Variants in FGD6 observed in about 807,000 individuals in gnomAD.
FGD6 encodes the protein FYVE, RhoGEF and PH domain containing 6, also known as FYVE, RhoGEF and PH domain-containing protein 6.
FGD6 carries 90 observed loss-of-function variants against 149.4 expected under a neutral mutation model. The observed-to-expected ratio is 0.60, with a 90% CI of 0.51 to 0.72. The LOEUF is 0.72. Among genes scored for constraint, FGD6 ranks in the 30% least tolerant of loss-of-function variants. The probability of loss-of-function intolerance (pLI) is 0.00; values close to 1 mark genes in which losing one functional copy is unlikely to be tolerated. For missense variants in FGD6, 1,437 were observed against 1,684.8 expected (o/e 0.85, Z 2.57); for synonymous variants, 527 against 584.0 (o/e 0.90, Z 1.41).
intron 3 of FGD6, among the ~76,000 whole-genome samples, chr12:95,163,056 C>T (rs557559900): frequency 2.0e-5 from 3 of 152,304 alleles, no homozygotes; most frequent in African/African-American, 7.2e-5. Flanking sequence ...AGTTCTCAGG[C>T]TAAATGTTAG....
intron 8 of FGD6, among the ~76,000 whole-genome samples, chr12:95,131,773 G>A (rs542394379): frequency 3.3e-5 from 5 of 152,174 alleles, no homozygotes; most frequent in Admixed American, 1.3e-4. Flanking sequence ...TTATATATAA[G>A]GTATTGTGCA....
intron 3 of FGD6, among the ~76,000 whole-genome samples, chr12:95,166,690 G>A (rs970830797): frequency 2.0e-5 from 3 of 151,934 alleles, no homozygotes; most frequent in East Asian, 1.9e-4. Context: ...GTGACAGAGC[G>A]AGACCCCATC....
At chr12:95,081,636 T>G in intron 20 of FGD6, 80 bp from the exon 21 acceptor site, 1 of 857,376 alleles carries the variant, frequency 1.2e-6, no homozygotes, top group South Asian at 2.0e-5. Flanking sequence ...CAGCTGGGCC[T>G]GTGGTCCTCA....
intron 5 of FGD6, among the ~76,000 whole-genome samples, chr12:95,145,681 T>C (rs920580321): frequency 1.3e-5 from 2 of 152,074 alleles, no homozygotes; most frequent in South Asian, 2.1e-4. Context: ...CCTATGTCTG[T>C]TGTTTTTTGT....
At chr12:95,122,399 A>T (rs1879217488) in intron 8 of FGD6, among the ~76,000 whole-genome samples, 1 of 152,074 alleles carries the variant, frequency 6.6e-6, no homozygotes, top group Admixed American at 6.6e-5. Context: ...TCATCCCAGC[A>T]CTTTGGGAGG....
intron 1 of FGD6, among the ~76,000 whole-genome samples, chr12:95,216,568 G>A (rs1188824383): frequency 6.7e-6 from 1 of 148,372 alleles, no homozygotes; most frequent in Non-Finnish European, 1.5e-5. Context: ...TTGTCATTTG[G>A]ATGAAGGGGA....
chr12:95,095,636 A>T (rs1878209264), intron 14 of FGD6, among the ~76,000 whole-genome samples: 1 of 152,166 alleles, frequency 6.6e-6, no homozygotes, highest in South Asian at 2.1e-4. Flanking sequence ...CATCATAATA[A>T]AACAAAATTC....
intron 8 of FGD6, among the ~76,000 whole-genome samples, chr12:95,129,280 TATGCATCC>T (rs56106391): frequency 0.22 from 31,737 of 143,780 alleles, 3,977 homozygotes; most frequent in East Asian, 0.56. Flanking sequence ...TCCATGCATC[TATGCATCC>T]ATGCATCCAT....
chr12:95,104,894 C>G, intron 14 of FGD6, 113 bp downstream of exon 14: 1 of 753,842 alleles, frequency 1.3e-6, no homozygotes, highest in Non-Finnish European at 2.1e-6. Context: ...GCCTGGGTGA[C>G]AGAGTGAGAT....
intron 2 of FGD6, among the ~76,000 whole-genome samples, chr12:95,206,110 C>A (rs1205447844): frequency 6.6e-6 from 1 of 152,018 alleles, no homozygotes; most frequent in African/African-American, 2.4e-5. Flanking sequence ...CCAGGATTGG[C>A]AGAGATAATG....
intron 2 of FGD6, among the ~76,000 whole-genome samples, chr12:95,177,956 G>T (rs1455720658): frequency 7.7e-6 from 1 of 130,286 alleles, no homozygotes; most frequent in Non-Finnish European, 1.6e-5. Flanking sequence ...TACAGACAGG[G>T]TCTCTCCCTA....
intron 2 of FGD6, among the ~76,000 whole-genome samples, chr12:95,197,395 T>G (rs1258675237): frequency 3.3e-5 from 5 of 152,086 alleles, no homozygotes; most frequent in Non-Finnish European, 5.9e-5. Flanking sequence ...ATCACGCCAC[T>G]GCACTACAGC....
rs141843372 is a variant in FGD6 at position 95,088,965 on chromosome 12, C to T, written c.3978+604G>A. Among the ~76,000 whole-genome samples, 143 of 152,280 alleles carry T rather than the reference C, an allele frequency of 9.4e-4. 1 individual carries two copies. Among genetic ancestry groups the T allele is most frequent in the African/African-American group, 2.8e-3 (116 of 41,554 alleles). ...CTGCTGGCCACAAAACTAGCACAGG[C>T]GGACCTCACTAATAAACTGATCATA... is the stretch of plus-strand genomic sequence containing the variant. On this transcript the variant is annotated intron_variant, in intron 18 of 20. Transcript: ENST00000343958.
intron 2 of FGD6, among the ~76,000 whole-genome samples, chr12:95,197,997 A>G (rs1435276526): frequency 1.3e-5 from 2 of 152,192 alleles, no homozygotes; most frequent in African/African-American, 2.4e-5. Context: ...TGGGGTCTCT[A>G]CAAATGCTCA....
intron 8 of FGD6, among the ~76,000 whole-genome samples, chr12:95,118,481 T>C (rs542256214): frequency 1.3e-5 from 2 of 152,238 alleles, no homozygotes; most frequent in East Asian, 1.9e-4. Flanking sequence ...ACCTAATCAA[T>C]ACATAACCAA....
intron 3 of FGD6, among the ~76,000 whole-genome samples, chr12:95,170,629 C>A (rs1186727408): frequency 6.6e-6 from 1 of 152,134 alleles, no homozygotes; most frequent in Non-Finnish European, 1.5e-5. Flanking sequence ...GCAACAAGAG[C>A]GAAACTCCTT....
intron 6 of FGD6, among the ~76,000 whole-genome samples, 184 bp downstream of exon 6, chr12:95,141,204 C>T (rs1340430067): frequency 6.6e-6 from 1 of 152,136 alleles, no homozygotes; most frequent in Non-Finnish European, 1.5e-5. Flanking sequence ...GCCTGGGCGA[C>T]AGAATGAGAA....
chr12:95,106,312 T>A (rs1056023295), intron 13 of FGD6, among the ~76,000 whole-genome samples: 10 of 144,330 alleles, frequency 6.9e-5, no homozygotes, highest in Non-Finnish European at 1.5e-4. Context: ...ACTCTGTTGC[T>A]CCAGCTGGAG....
At chr12:95,205,674 G>C (rs539461530) in intron 2 of FGD6, among the ~76,000 whole-genome samples, 4 of 152,164 alleles carry the variant, frequency 2.6e-5, no homozygotes, top group Admixed American at 2.6e-4. Context: ...TCATTTATTT[G>C]ATCTCAGGGT....
Sources: gnomAD v4.1 joint callset for allele counts (sites outside exome capture counted in the v4.1 genomes callset) on GRCh38, gnomAD v4.1.1 for gene constraint, MANE v1.5 for transcripts, NCBI Gene and HGNC (gene_info 2026-07-23, HGNC 2026-07-21) for gene names.